The following AGBL1 variants were observed in gnomAD, a reference collection of about 807,000 sequenced individuals.
The protein encoded by AGBL1 is AGBL carboxypeptidase 1, also known as cytosolic carboxypeptidase 4.
AGBL1 carries 130 observed loss-of-function variants against 118.9 expected under a neutral mutation model. The observed-to-expected ratio is 1.09, with a 90% CI of 0.95 to 1.26. AGBL1 has a LOEUF of 1.26. Among genes scored for constraint, AGBL1 ranks in the 50% most tolerant of loss-of-function variants. The probability of loss-of-function intolerance (pLI) is 0.00; values close to 1 mark genes in which losing one functional copy is unlikely to be tolerated. For missense variants in AGBL1, 1,584 were observed against 1,298.1 expected, an observed-to-expected ratio of 1.22 and a Z score of -3.38; for synonymous variants, 555 against 478.9, an observed-to-expected ratio of 1.16 and a Z score of -2.08.
At chr15:86,778,814 TTAAAG>T (rs1204880657) in intron 22 of AGBL1, among the ~76,000 whole-genome samples, 68 of 152,278 alleles carry the variant, frequency 4.5e-4, no homozygotes, top group African/African-American at 1.5e-3. Flanking sequence ...GATTAAGAGA[TTAAAG>T]TAAAGACAGG....
intron 16 of AGBL1, among the ~76,000 whole-genome samples, chr15:86,291,490 C>G (rs936748888): frequency 6.6e-6 from 1 of 152,092 alleles, no homozygotes; most frequent in Non-Finnish European, 1.5e-5. Flanking sequence ...GATTGGCAAT[C>G]AAACACACAG....
chr15:86,275,317 A>G (rs1182839410), intron 15 of AGBL1, among the ~76,000 whole-genome samples: 1 of 152,206 alleles, frequency 6.6e-6, no homozygotes, highest in East Asian at 1.9e-4. Flanking sequence ...CTCTGCCATC[A>G]TGCATCCTTC....
At chr15:86,634,241 G>T (rs554502578) in intron 21 of AGBL1, among the ~76,000 whole-genome samples, 1 of 152,202 alleles carries the variant, frequency 6.6e-6, no homozygotes, top group South Asian at 2.1e-4. Context: ...GAAAACATAT[G>T]TCCACACAAG....
intron 5 of AGBL1, among the ~76,000 whole-genome samples, chr15:86,210,758 A>T (rs1399360598): frequency 2.0e-5 from 3 of 152,114 alleles, no homozygotes; most frequent in Non-Finnish European, 4.4e-5. Context: ...GATGGGTTCG[A>T]ACATCCTCCT....
intron 18 of AGBL1, among the ~76,000 whole-genome samples, chr15:86,418,689 C>T (rs373244165): frequency 1.3e-5 from 2 of 152,154 alleles, no homozygotes; most frequent in Non-Finnish European, 2.9e-5. Context: ...AAGCCACTGC[C>T]TTTGAAGAGT....
At chr15:86,345,185 C>T (rs148101988) in intron 17 of AGBL1, among the ~76,000 whole-genome samples, 3 of 151,464 alleles carry the variant, frequency 2.0e-5, no homozygotes, top group Non-Finnish European at 2.9e-5. Context: ...AGGAAACATG[C>T]GTTTAGGAGA....
chr15:86,122,839 C>T (rs1419133460), intron 1 of AGBL1, among the ~76,000 whole-genome samples: 2 of 152,144 alleles, frequency 1.3e-5, no homozygotes, highest in African/African-American at 2.4e-5. Context: ...ATTATACCCT[C>T]CTCCCTTTGG....
chr15:86,252,873 G>A (rs748501911), intron 7 of AGBL1, among the ~76,000 whole-genome samples: 3 of 152,162 alleles, frequency 2.0e-5, no homozygotes, highest in Non-Finnish European at 4.4e-5. Flanking sequence ...TTATATTGAA[G>A]CTACGCCACA....
At chr15:86,980,078 A>G (rs1020466461) in intron 23 of AGBL1, among the ~76,000 whole-genome samples, 2 of 152,208 alleles carry the variant, frequency 1.3e-5, no homozygotes, top group Non-Finnish European at 2.9e-5. Flanking sequence ...TAAAAAGAAA[A>G]AACCTTTGTC....
rs531867305 is a variant in AGBL1, at chr15:86,400,678, G to T, written c.2555+3132G>T. Among the ~76,000 whole-genome samples the T allele has an allele frequency of 3.0e-4, 45 of 148,230 alleles. No individual in the cohort carries two copies. In the South Asian group the frequency reaches 7.4e-3, roughly 24 times the overall value. Reference sequence around the variant, plus strand: ...CATGTCTTTGCATCCTCATAGCTTAGCTCCCACTTACAAATGATAACATAT... The same window carrying T: ...CATGTCTTTGCATCCTCATAGCTTATCTCCCACTTACAAATGATAACATAT... On this transcript the variant is annotated intron_variant, in intron 18 of 22. Coordinates refer to ENST00000614907, the MANE Select transcript of AGBL1 (RefSeq NM_001386094.1).
chr15:86,294,441 G>T (rs1390165919), intron 16 of AGBL1, among the ~76,000 whole-genome samples: 2 of 150,404 alleles, frequency 1.3e-5, no homozygotes, highest in Non-Finnish European at 1.5e-5. Context: ...TGTTCACCAG[G>T]TGTCCTAATT....
At chr15:86,877,699 T>C (rs1247439031) in intron 22 of AGBL1, among the ~76,000 whole-genome samples, 1 of 152,122 alleles carries the variant, frequency 6.6e-6, no homozygotes, top group African/African-American at 2.4e-5. Context: ...TAACCATCAG[T>C]GATTAGAAAC....
At chr15:86,684,551 G>A (rs1441804909) in intron 22 of AGBL1, among the ~76,000 whole-genome samples, 2 of 151,584 alleles carry the variant, frequency 1.3e-5, no homozygotes, top group African/African-American at 2.4e-5. Context: ...AAACTCCTGG[G>A]CTCAAGCAGT....
At chr15:86,708,130 T>G (rs2086486135) in intron 22 of AGBL1, among the ~76,000 whole-genome samples, 1 of 152,078 alleles carries the variant, frequency 6.6e-6, no homozygotes, top group African/African-American at 2.4e-5. Flanking sequence ...ATACTGCTTT[T>G]GGACTTAATC....
chr15:86,916,623 G>A (rs113877600), downstream of AGBL1, among the ~76,000 whole-genome samples: 246 of 152,242 alleles, frequency 1.6e-3, no homozygotes, highest in African/African-American at 5.6e-3. Context: ...GCTCTGGCTC[G>A]GTTACTTCAA....
rs573748647 is a variant in AGBL1, at chr15:86,537,016, G to A, written c.2686-8986G>A. The stretch of plus-strand genomic sequence containing the variant: ...GGGCGTAGGGCTTAAAGTTCTCATC[G>A]CAGACAGTGAGGGTTGCCCAGAGCA... On this transcript the variant is annotated intron_variant, in intron 19 of 22. Coordinates refer to ENST00000614907, the MANE Select transcript of AGBL1 (RefSeq NM_001386094.1). Among the ~76,000 whole-genome samples, 12 of 152,290 alleles carry A rather than the reference G, an allele frequency of 7.9e-5. No individual in the cohort carries two copies. The East Asian group carries it at 1.2e-3, about 15-fold the overall frequency.
At chr15:86,215,229 G>GTGTGTGTATA (rs2078168029) in intron 5 of AGBL1, among the ~76,000 whole-genome samples, 1 of 132,938 alleles carries the variant, frequency 7.5e-6, no homozygotes, top group South Asian at 2.2e-4. Flanking sequence ...GTATGCGTGT[G>GTGTGTGTATA]TGTGTGTGTG....
chr15:86,547,619 A>G (rs570609126), intron 20 of AGBL1, among the ~76,000 whole-genome samples: 45 of 152,306 alleles, frequency 3.0e-4, no homozygotes, highest in Non-Finnish European at 5.9e-4. Context: ...AAAAGGCATA[A>G]CATTATAGAG....
intron 1 of AGBL1, among the ~76,000 whole-genome samples, chr15:86,134,013 AC>A (rs927224639): frequency 6.6e-6 from 1 of 152,182 alleles, no homozygotes; most frequent in African/African-American, 2.4e-5. Context: ...GTCTTCTAAA[AC>A]ACTTCTTTCT....
Sources: gnomAD v4.1 joint callset for allele counts (sites outside exome capture counted in the v4.1 genomes callset) on GRCh38, gnomAD v4.1.1 for gene constraint, MANE v1.5 for transcripts, NCBI Gene and HGNC (gene_info 2026-07-23, HGNC 2026-07-21) for gene names.